GPR137B: variants seen among roughly 807,000 people sequenced by gnomAD.
GPR137B encodes G protein-coupled receptor 137B.
In GPR137B, 42 loss-of-function variants were observed where a neutral mutation model predicts 42.5. That is an observed-to-expected ratio of 0.99 (90% CI 0.77 to 1.28). The LOEUF (loss-of-function observed/expected upper bound fraction) is 1.28. Among genes scored for constraint, GPR137B ranks in the 50% most tolerant of loss-of-function variants. GPR137B has a pLI of 0.00. For synonymous variants in GPR137B, 218 were observed against 209.7 expected (o/e 1.04, Z -0.34); for missense variants, 487 against 493.9 (o/e 0.99, Z 0.13).
At position 236,168,764 on chromosome 1, in the gene GPR137B, T is replaced by C. The variant is rs762796656; in HGVS notation, c.464+9T>C. 17 of 1,581,032 alleles carry C rather than the reference T, an allele frequency of 1.1e-5. 1 individual carries two copies. In the South Asian group the frequency reaches 1.9e-4, roughly 17 times the overall value. ...GAATTACTCAAATACCGGTAAGTAC[T>C]GCAGGGCATCTCTTTCTGTGGTAGA... On this transcript the variant is annotated intron_variant, in intron 2 of 6. Coordinates refer to ENST00000366592, the MANE Select transcript of GPR137B (RefSeq NM_003272.4).
intron 1 of GPR137B, among the ~76,000 whole-genome samples, chr1:236,152,770 G>A (rs1002938093): frequency 1.3e-5 from 2 of 151,372 alleles, no homozygotes; most frequent in Admixed American, 6.6e-5. Context: ...GAAAAACAAT[G>A]TATTGGGCTA....
At chr1:236,178,792 T>TTTTTTG (rs1558488571) in intron 3 of GPR137B, among the ~76,000 whole-genome samples, 156 bp downstream of exon 3, 2 of 71,078 alleles carry the variant, frequency 2.8e-5, no homozygotes, top group Admixed American at 1.4e-4. Context: ...GAGGTTTTTT[T>TTTTTTG]TTTTTTTTTT....
rs76609108 is a variant in GPR137B, at chr1:236,179,448, G to A, written c.688-431G>A. 9.7e-3 allele frequency among the ~76,000 whole-genome samples: 1,480 copies of A among 152,126 alleles called. 27 individuals carry two copies. Among genetic ancestry groups the A allele is most frequent in the Admixed American group, 0.043 (652 of 15,274 alleles). ...GGCCTCAAAGATTCCAGACAGAGCCGTCCTGAGCTCTGCCCCAGCCATTGT... is the reference window on the plus strand; with the variant it reads ...GGCCTCAAAGATTCCAGACAGAGCCATCCTGAGCTCTGCCCCAGCCATTGT... On this transcript the variant is annotated intron_variant, in intron 3 of 6. Coordinates refer to ENST00000366592, the MANE Select transcript of GPR137B (RefSeq NM_003272.4).
chr1:236,163,748 T>C (rs575282556), intron 1 of GPR137B, among the ~76,000 whole-genome samples: 1 of 152,316 alleles, frequency 6.6e-6, no homozygotes, highest in Admixed American at 6.5e-5. Flanking sequence ...CCCAGCCATG[T>C]GGAACTGTAA....
intron 5 of GPR137B, among the ~76,000 whole-genome samples, chr1:236,203,158 A>C (rs1051562402): frequency 6.6e-6 from 1 of 152,038 alleles, no homozygotes; most frequent in African/African-American, 2.4e-5. Context: ...GCTCACTGCA[A>C]GCTCCGCCTC....
At chr1:236,197,565 C>T (rs1264987648) in intron 5 of GPR137B, among the ~76,000 whole-genome samples, 7 of 152,078 alleles carry the variant, frequency 4.6e-5, no homozygotes, top group South Asian at 2.1e-4. Flanking sequence ...TTTTTGTATA[C>T]GGTGAGAGAT....
At position 236,179,965 on chromosome 1, in the gene GPR137B, G is replaced by A. The variant is rs749314849; in HGVS notation, c.774G>A (p.Leu258=). The change falls in exon 4 of 7, where the codon CTG becomes CTA. Residue 258 remains leucine, a synonymous_variant. Coordinates refer to ENST00000366592, the MANE Select transcript of GPR137B (RefSeq NM_003272.4). ...GGGCCTGCTACAACCTGTTCATCCT[G>A]TCATTTTCTCAGAACAAGAGCGTCC... ...TSRACYNLFI[L]SFSQNKSVHS... The A allele has an allele frequency of 6.2e-7, 1 of 1,613,368 alleles. No homozygotes were observed. Among genetic ancestry groups the A allele is most frequent in the East Asian group, 2.2e-5 (1 of 44,890 alleles).
At chr1:236,154,836 C>T (rs757834047) in intron 1 of GPR137B, among the ~76,000 whole-genome samples, 4 of 152,298 alleles carry the variant, frequency 2.6e-5, no homozygotes, top group Non-Finnish European at 5.9e-5. Flanking sequence ...GCACGTGGCC[C>T]GGGACCCTCC....
At chr1:236,204,859 A>G (rs1430242996) in intron 5 of GPR137B, among the ~76,000 whole-genome samples, 1 of 152,150 alleles carries the variant, frequency 6.6e-6, no homozygotes, top group Non-Finnish European at 1.5e-5. Flanking sequence ...GTTACTCATC[A>G]TCTAGCTTTT....
chr1:236,204,243 C>T (rs1663582962), intron 5 of GPR137B, among the ~76,000 whole-genome samples: 1 of 152,164 alleles, frequency 6.6e-6, no homozygotes. Context: ...ATCCTTGTAT[C>T]ACATGGATAA....
In GPR137B at chr1:236,161,107, C is replaced by T. The variant is rs547070101; in HGVS notation, c.415-7599C>T. 2.0e-5 allele frequency among the ~76,000 whole-genome samples: 3 copies of T among 152,248 alleles called. No individual in the cohort carries two copies. The South Asian group carries it at 6.2e-4, about 32-fold the overall frequency. On this transcript the variant is annotated intron_variant, in intron 1 of 6. Coordinates refer to ENST00000366592, the MANE Select transcript of GPR137B (RefSeq NM_003272.4). ...CCCCGCCACGCCCTCCAGGCCCAGG[C>T]ATCATGAATCTGTGTTGGGCCTCTG...
intron 4 of GPR137B, among the ~76,000 whole-genome samples, chr1:236,181,667 A>G (rs1290835550): frequency 1.3e-5 from 2 of 152,186 alleles, no homozygotes; most frequent in East Asian, 3.9e-4. Context: ...GGACAAGGTA[A>G]AATTGTGTTG....
At chr1:236,177,680 T>C (rs2010302) in intron 2 of GPR137B, among the ~76,000 whole-genome samples, 84,984 of 151,760 alleles carry the variant, frequency 0.56, 26,509 homozygotes, top group African/African-American at 0.83. Context: ...CTCAGCCTCC[T>C]GAGTAGCTGG....
intron 2 of GPR137B, among the ~76,000 whole-genome samples, chr1:236,175,920 G>C (rs748397431): frequency 1.5e-4 from 23 of 152,310 alleles, no homozygotes; most frequent in Non-Finnish European, 2.9e-4. Flanking sequence ...CTTTACAACA[G>C]GTTCCAGGAA....
chr1:236,190,148 C>CTTCGTTTTTTTTTTTTTTTTTTT (rs61093509), intron 5 of GPR137B, among the ~76,000 whole-genome samples: 1 of 119,402 alleles, frequency 8.4e-6, no homozygotes, highest in African/African-American at 3.2e-5. Context: ...CCTGCTTCTT[C>CTTCGTTTTTTTTTTTTTTTTTTT]TTTTTTTTTT....
At chr1:236,190,148 C>CTTCGTTTTTTTTTT (rs61093509) in intron 5 of GPR137B, among the ~76,000 whole-genome samples, 1 of 119,402 alleles carries the variant, frequency 8.4e-6, no homozygotes, top group African/African-American at 3.2e-5. Flanking sequence ...CCTGCTTCTT[C>CTTCGTTTTTTTTTT]TTTTTTTTTT....
At chr1:236,166,610 A>C (rs75534631) in intron 1 of GPR137B, among the ~76,000 whole-genome samples, 20,903 of 149,634 alleles carry the variant, frequency 0.14, 1,809 homozygotes, top group Admixed American at 0.24. Flanking sequence ...TAGCAGAACC[A>C]AATAATTCTT....
intron 1 of GPR137B, among the ~76,000 whole-genome samples, chr1:236,161,164 C>T (rs1353114899): frequency 6.6e-6 from 1 of 152,228 alleles, no homozygotes; most frequent in African/African-American, 2.4e-5. Flanking sequence ...CTCTGTCAAC[C>T]CATGGTCTGC....
At chr1:236,206,672 C>T (rs1208690044) in intron 6 of GPR137B, among the ~76,000 whole-genome samples, 7 of 152,192 alleles carry the variant, frequency 4.6e-5, no homozygotes, top group Non-Finnish European at 1.0e-4. Context: ...CCCAGGATTC[C>T]AAGTTTTGCT....
Sources: allele counts gnomAD v4.1 joint callset (sites outside exome capture counted in the v4.1 genomes callset), GRCh38; gene constraint gnomAD v4.1.1; transcripts MANE v1.5; gene names NCBI Gene and HGNC (gene_info 2026-07-23, HGNC 2026-07-21).